The following AGAP1 variants were observed in gnomAD, a reference collection of about 807,000 sequenced individuals.
The protein encoded by AGAP1 is ArfGAP with GTPase domain, ankyrin repeat and PH domain 1.
In AGAP1, 29 loss-of-function variants were observed where a neutral mutation model predicts 105.3. That is an observed-to-expected ratio of 0.28 (90% CI 0.21 to 0.38). The LOEUF is 0.38. Among genes scored for constraint, AGAP1 ranks in the 10% least tolerant of loss-of-function variants. The pLI is 1.00. For missense variants in AGAP1, 998 were observed against 1,165.1 expected (o/e 0.86, Z 2.09); for synonymous variants, 509 against 485.9 (o/e 1.05, Z -0.63).
At position 236,114,633 on chromosome 2, in the gene AGAP1, C is replaced by T. The variant is rs532773906; in HGVS notation, c.2115-5559C>T. ...TTCTCCCTGTGTCCTGCCTTTCCTC[C>T]GGGTGTGCTCAGAGGGAGAGAGACA... is the stretch of plus-strand genomic sequence containing the variant. On this transcript the variant is annotated intron_variant, in intron 16 of 17. Transcript: ENST00000304032. This position sits in a 1 kb window ranked among gnomAD's most constrained non-coding sequence, Gnocchi z 5.0. Among the ~76,000 whole-genome samples the T allele has an allele frequency of 5.3e-5, 8 of 152,226 alleles. No homozygotes were observed. The highest frequency in any genetic ancestry group is 3.9e-4 in the East Asian group (2 of 5,168).
chr2:235,884,949 G>A (rs1310820431), intron 10 of AGAP1, among the ~76,000 whole-genome samples: 4 of 152,086 alleles, frequency 2.6e-5, no homozygotes, highest in Non-Finnish European at 4.4e-5. Context: ...CTGGCCTCAA[G>A]CAATCTGCCT....
At chr2:236,034,649 C>G (rs986679989) in intron 13 of AGAP1, among the ~76,000 whole-genome samples, 1 of 152,200 alleles carries the variant, frequency 6.6e-6, no homozygotes, top group African/African-American at 2.4e-5. Flanking sequence ...AGACTCTTCT[C>G]TCCCCTCCCA....
chr2:235,500,371 G>GTGGGTT (rs1463454414), intron 1 of AGAP1, among the ~76,000 whole-genome samples: 2 of 152,148 alleles, frequency 1.3e-5, no homozygotes, highest in East Asian at 3.9e-4. Flanking sequence ...TTCTAGTTCT[G>GTGGGTT]TGGGTTTGGA....
At chr2:235,730,671 A>G (rs961778354) in intron 3 of AGAP1, among the ~76,000 whole-genome samples, 1 of 152,086 alleles carries the variant, frequency 6.6e-6, no homozygotes, top group African/African-American at 2.4e-5. Flanking sequence ...AAATAAATGT[A>G]TAAAATATTA....
chr2:235,879,839 CAGG>C lies in AGAP1; in HGVS notation c.1051-3503_1051-3501del, dbSNP rs1439457736. Among the ~76,000 whole-genome samples, 1 of 152,132 alleles carries C rather than the reference CAGG, an allele frequency of 6.6e-6. No individual in the cohort carries two copies. The highest frequency in any genetic ancestry group is 1.5e-5 in the Non-Finnish European group (1 of 68,034). ...CCTAGCTACTCGGAGGAGGCTGGCGCAGGAGAATTGCTTGAGCTGGAAAGTTCA... is the reference window on the plus strand; with the variant it reads ...CCTAGCTACTCGGAGGAGGCTGGCGCAGAATTGCTTGAGCTGGAAAGTTCA... On this transcript the variant is annotated intron_variant, in intron 9 of 17. Coordinates refer to ENST00000304032, the MANE Select transcript of AGAP1 (RefSeq NM_001037131.3). This position sits in a 1 kb window ranked among gnomAD's most constrained non-coding sequence, Gnocchi z 5.0.
chr2:235,544,708 CCT>C (rs993456032), intron 1 of AGAP1, among the ~76,000 whole-genome samples: 15 of 152,292 alleles, frequency 9.8e-5, no homozygotes, highest in Admixed American at 2.0e-4. Flanking sequence ...ACCAATGCTG[CCT>C]CTCACAGGAA....
Position 236,124,321 on chromosome 2 carries a change from G to C in AGAP1, c.*199G>C. 1 of 646,452 alleles carries C rather than the reference G, an allele frequency of 1.5e-6. No individual in the cohort carries two copies. The highest frequency in any genetic ancestry group is 2.7e-6 in the Non-Finnish European group (1 of 376,784). 40.0% of individuals were successfully genotyped at this position (646,452 alleles called of 1,614,324 possible). A position where few individuals can be genotyped will look rare whatever the true frequency, so the allele number is the denominator to read the frequency against. On this transcript the variant is annotated 3_prime_UTR_variant, in exon 18 of 18. Transcript: ENST00000304032. This position sits in a 1 kb window ranked among gnomAD's most constrained non-coding sequence, Gnocchi z 5.1. ...TCAAGGGGCGAAGAGGCGGCCGGGAGACTGCAGAAGTGGCTCCTTTTCATA... is the reference window on the plus strand; with the variant it reads ...TCAAGGGGCGAAGAGGCGGCCGGGACACTGCAGAAGTGGCTCCTTTTCATA...
In AGAP1 at chr2:235,555,939, A is replaced by C. The variant is rs141235247; in HGVS notation, c.163+61090A>C. Among the ~76,000 whole-genome samples, 1 of 152,322 alleles carries C rather than the reference A, an allele frequency of 6.6e-6. No homozygotes were observed. The highest frequency in any genetic ancestry group is 2.4e-5 in the African/African-American group (1 of 41,578). On this transcript the variant is annotated intron_variant, in intron 1 of 17. Coordinates refer to ENST00000304032, the MANE Select transcript of AGAP1 (RefSeq NM_001037131.3). This position sits in a 1 kb window ranked among gnomAD's most constrained non-coding sequence, Gnocchi z 5.1. ...GGCACCTGCTCTGGGCCATGTACAC[A>C]ATGAGGCAAAGCAATACTTAGACCT...
rs1944785935 is a variant in AGAP1, at chr2:235,577,836, C to A, written c.163+82987C>A. On this transcript the variant is annotated intron_variant, in intron 1 of 17. Coordinates refer to ENST00000304032, the MANE Select transcript of AGAP1 (RefSeq NM_001037131.3). This position sits in a 1 kb window ranked among gnomAD's most constrained non-coding sequence, Gnocchi z 4.5. ...CCTCCTTCAGCGCTGCACAAAAGGC[C>A]CATGTCTGCTCGCTGGGACCTGATA... Among the ~76,000 whole-genome samples the A allele has an allele frequency of 6.6e-6, 1 of 152,002 alleles. No individual in the cohort carries two copies. Among genetic ancestry groups the A allele is most frequent in the Non-Finnish European group, 1.5e-5 (1 of 68,010 alleles).
At position 235,494,752 on chromosome 2, in the gene AGAP1, G is replaced by A. The variant is rs754711812; in HGVS notation, c.66G>A (p.Ser22=). ...GGGCCGAGATCCAGCGCTTCGAGTCGGTCCACCCCAACATCTACTCCATCT... is the reference window on the plus strand; with the variant it reads ...GGGCCGAGATCCAGCGCTTCGAGTCAGTCCACCCCAACATCTACTCCATCT... ...AIRAEIQRFE[S]VHPNIYSIYE... The change falls in exon 1 of 18, where the codon TCG becomes TCA. Residue 22 remains serine (S), a synonymous_variant. Transcript: ENST00000304032. 1.3e-6 allele frequency: 2 copies of A among 1,572,780 alleles called. No individual in the cohort carries two copies. The highest frequency in any genetic ancestry group is 3.6e-5 in the Admixed American group (2 of 55,798).
rs368369823 is a variant in AGAP1 at position 236,108,469 on chromosome 2, C to T, written c.2115-11723C>T. ...CTGAGGGTGTTCCTCCACGCCAGCC[C>T]GCTCTGCTACAGAATCTCCTTGAAA... On this transcript the variant is annotated intron_variant, in intron 16 of 17. Transcript: ENST00000304032. Among the ~76,000 whole-genome samples, 3 of 152,312 alleles carry T rather than the reference C, an allele frequency of 2.0e-5. No homozygotes were observed. In the South Asian group the frequency reaches 6.2e-4, roughly 32 times the overall value.
rs540431400 is a variant in AGAP1, at chr2:235,725,301, G to A, written c.310+7657G>A. 6.6e-6 allele frequency among the ~76,000 whole-genome samples: 1 copy of A among 152,068 alleles called. No homozygotes were observed. Among genetic ancestry groups the A allele is most frequent in the African/African-American group, 2.4e-5 (1 of 41,400 alleles). On this transcript the variant is annotated intron_variant, in intron 3 of 17. Coordinates refer to ENST00000304032, the MANE Select transcript of AGAP1 (RefSeq NM_001037131.3). This position sits in a 1 kb window ranked among gnomAD's most constrained non-coding sequence, Gnocchi z 5.7. Reference sequence around the variant, plus strand: ...ACGTGTATCTTAAATATGTTTTAACGAATGTTTACTTAGTTTCTTAGAAAC... The same window carrying A: ...ACGTGTATCTTAAATATGTTTTAACAAATGTTTACTTAGTTTCTTAGAAAC...
chr2:235,681,596 T>C (rs2149399710), intron 1 of AGAP1, among the ~76,000 whole-genome samples: 1 of 152,286 alleles, frequency 6.6e-6, no homozygotes, highest in South Asian at 2.1e-4. Context: ...AGACTAACAG[T>C]TCAAGTTCAC....
Position 235,577,847 on chromosome 2 carries a change from C to A in AGAP1, c.163+82998C>A, listed in dbSNP as rs181003413. Among the ~76,000 whole-genome samples the A allele has an allele frequency of 6.6e-6, 1 of 151,968 alleles. No individual in the cohort carries two copies. Among genetic ancestry groups the A allele is most frequent in the Non-Finnish European group, 1.5e-5 (1 of 68,008 alleles). ...GCTGCACAAAAGGCCCATGTCTGCT[C>A]GCTGGGACCTGATAGTTCGCCTTTG... On this transcript the variant is annotated intron_variant, in intron 1 of 17. Coordinates refer to ENST00000304032, the MANE Select transcript of AGAP1 (RefSeq NM_001037131.3). This position sits in a 1 kb window ranked among gnomAD's most constrained non-coding sequence, Gnocchi z 4.5.
rs552250008 is a variant in AGAP1, at chr2:236,057,264, A to G, written c.2114+7983A>G. On this transcript the variant is annotated intron_variant, in intron 16 of 17. Coordinates refer to ENST00000304032, the MANE Select transcript of AGAP1 (RefSeq NM_001037131.3). The stretch of plus-strand genomic sequence containing the variant: ...TCTGGGATTACAGGCACGTGCCAAC[A>G]CACCCAATTAATTTTTGTATTTTTA... 7.9e-5 allele frequency among the ~76,000 whole-genome samples: 12 copies of G among 152,224 alleles called. No individual in the cohort carries two copies. In the East Asian group the frequency reaches 2.1e-3, roughly 27 times the overall value.
At chr2:235,533,108 C>T (rs530937957) in intron 1 of AGAP1, among the ~76,000 whole-genome samples, 8 of 152,156 alleles carry the variant, frequency 5.3e-5, no homozygotes, top group East Asian at 1.9e-4. Context: ...GTCATGACCG[C>T]GTTGAGTTAG....
At chr2:235,686,563 AC>A (rs1162646423) in intron 1 of AGAP1, among the ~76,000 whole-genome samples, 8 of 93,550 alleles carry the variant, frequency 8.6e-5, no homozygotes, top group Admixed American at 3.1e-4. Context: ...ATATACACAC[AC>A]ACACACACAC....
chr2:235,791,928 C>G (rs56218577), intron 6 of AGAP1, among the ~76,000 whole-genome samples: 6,001 of 152,180 alleles, frequency 0.039, 378 homozygotes, highest in African/African-American at 0.13. Flanking sequence ...CATGCAGTGC[C>G]CTCAGCTGCA....
intron 1 of AGAP1, among the ~76,000 whole-genome samples, chr2:235,672,888 G>A (rs944850059): frequency 1.3e-5 from 2 of 152,186 alleles, no homozygotes; most frequent in African/African-American, 4.8e-5. Flanking sequence ...AAGTGTGTTG[G>A]AATGTTTATA....
Sources: gnomAD v4.1 joint callset for allele counts (sites outside exome capture counted in the v4.1 genomes callset) on GRCh38, gnomAD v4.1.1 for gene constraint, Gnocchi (gnomAD v3.1) non-coding constraint, MANE v1.5 for transcripts, NCBI Gene and HGNC (gene_info 2026-07-23, HGNC 2026-07-21) for gene names.